Variants in TULP4 observed in about 807,000 individuals in gnomAD.
TULP4 encodes tubby-related protein 4.
Under a neutral mutation model 129.0 loss-of-function variants are expected in TULP4, and 16 were observed. That is an observed-to-expected ratio of 0.12 (90% CI 0.08 to 0.19). TULP4 has a LOEUF of 0.19. Ranked by LOEUF, TULP4 falls within the 10% of genes least tolerant of loss-of-function variation. TULP4 has a pLI of 1.00. For missense variants in TULP4, 1,842 were observed against 2,059.1 expected (o/e 0.89, Z 2.04); for synonymous variants, 998 against 854.0 (o/e 1.17, Z -2.94).
In TULP4 at chr6:158,506,470, A is replaced by T. The variant is rs1562597339; in HGVS notation, c.4516-108A>T. 4 of 771,754 alleles carry T rather than the reference A, an allele frequency of 5.2e-6. No individual in the cohort carries two copies. The East Asian group carries it at 1.0e-4, about 19-fold the overall frequency. 47.8% of individuals were successfully genotyped at this position (771,754 alleles called of 1,614,324 possible). Reference sequence around the variant, plus strand: ...GTGGTCTCTATCTCCTGACGTCGTGATCTGCCCACCTCGGCCTCCCAAAGT... The same window carrying T: ...GTGGTCTCTATCTCCTGACGTCGTGTTCTGCCCACCTCGGCCTCCCAAAGT... On this transcript the variant is annotated intron_variant, in intron 13 of 13. Coordinates refer to ENST00000367097, the MANE Select transcript of TULP4 (RefSeq NM_020245.5).
chr6:158,308,797 G>A (rs1277683083), upstream of TULP4, among the ~76,000 whole-genome samples: 19 of 145,166 alleles, frequency 1.3e-4, no homozygotes, highest in Middle Eastern at 3.7e-3. Context: ...GCAGCTGGCC[G>A]GGCAGAGGGG....
intron 8 of TULP4, among the ~76,000 whole-genome samples, chr6:158,483,401 C>T (rs1583926391): frequency 6.6e-6 from 1 of 152,078 alleles, no homozygotes; most frequent in South Asian, 2.1e-4. Context: ...GGTGCCATTA[C>T]AGCTCACTAC....
intron 11 of TULP4, among the ~76,000 whole-genome samples, chr6:158,497,507 A>G (rs1028461317): frequency 6.6e-6 from 1 of 152,234 alleles, no homozygotes; most frequent in Non-Finnish European, 1.5e-5. Flanking sequence ...CATTCTCACC[A>G]TCAGCCACCT....
intron 1 of TULP4, among the ~76,000 whole-genome samples, chr6:158,232,556 C>G (rs1212101253): frequency 1.3e-5 from 2 of 151,762 alleles, no homozygotes; most frequent in Non-Finnish European, 2.9e-5. Context: ...AGCCTTTTGT[C>G]TCCGCGTGTG....
upstream of TULP4, among the ~76,000 whole-genome samples, chr6:158,310,870 G>T (rs1007384037): frequency 1.3e-5 from 2 of 152,004 alleles, no homozygotes; most frequent in African/African-American, 4.8e-5. Flanking sequence ...GGACACAAGG[G>T]TATTAAAAAC....
In TULP4 at chr6:158,365,887, T is replaced by C. The variant is rs1192169586; in HGVS notation, c.253-47178T>C. Among the ~76,000 whole-genome samples the C allele has an allele frequency of 4.4e-5, 6 of 135,078 alleles. No homozygotes were observed. In the East Asian group the frequency reaches 6.4e-4, roughly 14 times the overall value. 88.6% of individuals were successfully genotyped at this position (135,078 alleles called of 152,430 possible). A position where few individuals can be genotyped will look rare whatever the true frequency, so the allele number is the denominator to read the frequency against. On this transcript the variant is annotated intron_variant, in intron 1 of 13. Transcript: ENST00000367097. ...TTGGTTCGTTTTTCTTTTTTTTTTT[T>C]TCTTTTTCTTTCTTTTTTTTTTTTT...
At chr6:158,398,465 A>G (rs1777769160) in intron 1 of TULP4, 1 of 151,946 alleles carries the variant, frequency 6.6e-6, no homozygotes, top group South Asian at 2.1e-4. Flanking sequence ...CCAGTTCACT[A>G]CCCTTAAGGA....
intron 1 of TULP4, among the ~76,000 whole-genome samples, chr6:158,272,743 T>G (rs557296837): frequency 6.6e-6 from 1 of 152,342 alleles, no homozygotes; most frequent in East Asian, 1.9e-4. Context: ...TTCCCCTTCT[T>G]AATCACTACT....
rs1356130973 is a variant in TULP4, at chr6:158,479,970, A to G, written c.1246A>G (p.Ile416Val). Residue 416 changes from isoleucine to valine, a missense_variant, in exon 7 of 14, where the codon ATC becomes GTC. Ile to Val is a conservative substitution (Grantham distance 29). Coordinates refer to ENST00000367097, the MANE Select transcript of TULP4 (RefSeq NM_020245.5). ...SYLSTAFIPTIKPPIPDPNNM... is the reference protein window; with the variant it reads ...SYLSTAFIPTVKPPIPDPNNM... ...CCTCTCCACTGCCTTCATCCCCACC[A>G]TCAAGGTAAAGCCCTCCACCCCTCC... 2 of 1,603,300 alleles carry G rather than the reference A, an allele frequency of 1.2e-6. No individual in the cohort carries two copies. The highest frequency in any genetic ancestry group is 1.3e-5 in the African/African-American group (1 of 74,904).
chr6:158,317,494 A>G (rs964280770), intron 1 of TULP4, among the ~76,000 whole-genome samples: 3 of 46,338 alleles, frequency 6.5e-5, no homozygotes, highest in African/African-American at 1.6e-4. Context: ...AAGGACATGA[A>G]CTCATCCTTT....
intron 6 of TULP4, among the ~76,000 whole-genome samples, chr6:158,473,575 A>G (rs762855264): frequency 1.3e-5 from 2 of 152,156 alleles, no homozygotes; most frequent in Middle Eastern, 3.2e-3. Context: ...CTGGTGTGCA[A>G]TGGCGCGATC....
At chr6:158,236,103 G>A (rs1004702590) in intron 1 of TULP4, among the ~76,000 whole-genome samples, 2 of 152,070 alleles carry the variant, frequency 1.3e-5, no homozygotes, top group African/African-American at 2.4e-5. Flanking sequence ...TGAATGGAAA[G>A]GTATATTCAT....
intron 11 of TULP4, among the ~76,000 whole-genome samples, chr6:158,496,192 G>A (rs571544220): frequency 3.9e-5 from 6 of 152,332 alleles, no homozygotes; most frequent in South Asian, 4.1e-4. Flanking sequence ...ACTGCATGTC[G>A]TACACGTCTG....
At chr6:158,506,356 C>T (rs570039409) in intron 13 of TULP4, among the ~76,000 whole-genome samples, 1 of 151,270 alleles carries the variant, frequency 6.6e-6, no homozygotes, top group East Asian at 2.0e-4. Context: ...CTCAGCCTCC[C>T]GAGTAGCTGG....
chr6:158,247,769 G>A (rs1419327178), intron 1 of TULP4, among the ~76,000 whole-genome samples: 2 of 152,150 alleles, frequency 1.3e-5, no homozygotes, highest in African/African-American at 2.4e-5. Flanking sequence ...TCATTGTTAC[G>A]AACAGCTATG....
At chr6:158,322,825 A>T (rs1481077554) in intron 1 of TULP4, among the ~76,000 whole-genome samples, 4 of 152,154 alleles carry the variant, frequency 2.6e-5, no homozygotes, top group Admixed American at 6.5e-5. Context: ...TGAAACGTGG[A>T]CTTCGCCTTC....
intron 1 of TULP4, among the ~76,000 whole-genome samples, chr6:158,240,214 G>C (rs868140635): frequency 0.031 from 1,962 of 63,734 alleles, 48 homozygotes; most frequent in Admixed American, 0.061. Flanking sequence ...GGCCGGGCGG[G>C]GGGCTGACCC....
At chr6:158,274,029 G>T (rs1778596297) in intron 1 of TULP4, among the ~76,000 whole-genome samples, 1 of 152,116 alleles carries the variant, frequency 6.6e-6, no homozygotes. Flanking sequence ...GGAGGCCGAG[G>T]TGGGTGGATC....
intron 1 of TULP4, among the ~76,000 whole-genome samples, chr6:158,367,056 G>GAA (rs11315725): frequency 6.7e-6 from 1 of 149,918 alleles, no homozygotes; most frequent in African/African-American, 2.4e-5. Flanking sequence ...CTTTTGGATT[G>GAA]AAAAAAAAAA....
Sources: allele counts gnomAD v4.1 joint callset (sites outside exome capture counted in the v4.1 genomes callset), GRCh38; gene constraint gnomAD v4.1.1; transcripts MANE v1.5; gene names NCBI Gene and HGNC (gene_info 2026-07-23, HGNC 2026-07-21).